The following COL9A1 variants were observed in gnomAD, a reference collection of about 807,000 sequenced individuals.
The protein encoded by COL9A1 is collagen type IX alpha 1 chain, also known as collagen alpha-1(IX) chain.
In COL9A1, 104 loss-of-function variants were observed where a neutral mutation model predicts 142.6. That is an observed-to-expected ratio of 0.73 (90% CI 0.62 to 0.86). The LOEUF is 0.86. COL9A1 is among the 40% of genes least tolerant of loss of function. The pLI is 0.00. For synonymous variants in COL9A1, 466 were observed against 396.0 expected, an observed-to-expected ratio of 1.18 and a Z score of -2.10; for missense variants, 1,210 against 1,176.6, an observed-to-expected ratio of 1.03 and a Z score of -0.42.
At position 70,239,255 on chromosome 6, in the gene COL9A1, G is replaced by A. The variant is rs999864737; in HGVS notation, c.2111C>T (p.Ser704Phe). 1 of 1,551,572 alleles carries A rather than the reference G, an allele frequency of 6.4e-7. No individual in the cohort carries two copies. The highest frequency in any genetic ancestry group is 1.4e-5 in the African/African-American group (1 of 73,492). Residue 704 changes from serine (S) to phenylalanine (F), a missense_variant and splice_region_variant, in exon 33 of 38, where the codon TCT becomes TTT. Physicochemically the swap from Ser to Phe is radical, Grantham distance 155. Transcript: ENST00000357250. ...GDIGLPGPKG[S>F]AGNPGEPGLR... Reference sequence around the variant, plus strand: ...ACCATTACTATTCACCATACTTACAGATCCCTTTGGGCCAGGTAATCCTAT... The same window carrying A: ...ACCATTACTATTCACCATACTTACAAATCCCTTTGGGCCAGGTAATCCTAT...
At chr6:70,234,980 T>C in intron 33 of COL9A1, 40 bp from the exon 34 acceptor site, 5 of 1,613,716 alleles carry the variant, frequency 3.1e-6, no homozygotes, top group Non-Finnish European at 4.2e-6. Context: ...GGGCTAAGCA[T>C]AAAGAATGTG....
At chr6:70,224,415 G>A (rs536716049) in intron 37 of COL9A1, among the ~76,000 whole-genome samples, 57 of 152,216 alleles carry the variant, frequency 3.7e-4, no homozygotes, top group African/African-American at 1.3e-3. Flanking sequence ...TTAAATTGTG[G>A]CTTACCAACA....
chr6:70,220,008 G>T (rs888309705), intron 37 of COL9A1, among the ~76,000 whole-genome samples: 1 of 151,894 alleles, frequency 6.6e-6, no homozygotes, highest in African/African-American at 2.4e-5. Flanking sequence ...ATTCCAAATT[G>T]CTGCTTATCC....
At chr6:70,248,844 A>G (rs1770754926) in intron 28 of COL9A1, among the ~76,000 whole-genome samples, 1 of 152,232 alleles carries the variant, frequency 6.6e-6, no homozygotes, top group African/African-American at 2.4e-5. Context: ...TTACCACGGC[A>G]TGGGGTACAA....
intron 28 of COL9A1, among the ~76,000 whole-genome samples, chr6:70,243,264 T>G (rs1406036164): frequency 6.6e-6 from 1 of 152,254 alleles, no homozygotes; most frequent in African/African-American, 2.4e-5. Flanking sequence ...TAAAAATTTT[T>G]TTCTTCTACT....
At chr6:70,269,986 A>G (rs1156789234) in intron 15 of COL9A1, among the ~76,000 whole-genome samples, 2 of 152,212 alleles carry the variant, frequency 1.3e-5, no homozygotes, top group Non-Finnish European at 2.9e-5. Context: ...AATTTTTCTT[A>G]CTATGAAAAC....
Position 70,268,797 on chromosome 6 carries a change from C to A in COL9A1, c.1287+7G>T, listed in dbSNP as rs750833333. The A allele has an allele frequency of 3.8e-5, 62 of 1,612,732 alleles. No individual in the cohort carries two copies. Among genetic ancestry groups the A allele is most frequent in the Non-Finnish European group, 5.0e-5 (59 of 1,179,020 alleles). ...TACTCTTAAAATACTGGAAGTTATT[C>A]TCTTACCCTCATGCCTGGTAGGCCT... On this transcript the variant is annotated splice_region_variant and intron_variant, in intron 17 of 37. Coordinates refer to ENST00000357250, the MANE Select transcript of COL9A1 (RefSeq NM_001851.6).
rs372343342 is a variant in COL9A1 at position 70,266,741 on chromosome 6, A to G, written c.1317T>C (p.Gly439=). The part of the protein sequence containing the change: ...RGHKGAKGEI[G]EPGRQGHKGE... Reference sequence around the variant, plus strand: ...CCTTGTGTCCTTGTCTTCCTGGTTCACCAATTTCTCCTTTAGCCCCTTTAT... The same window carrying G: ...CCTTGTGTCCTTGTCTTCCTGGTTCGCCAATTTCTCCTTTAGCCCCTTTAT... The change falls in exon 18 of 38, where the codon GGT becomes GGC. Residue 439 remains glycine (G), a synonymous_variant. Transcript: ENST00000357250. 18 of 1,613,372 alleles carry G rather than the reference A, an allele frequency of 1.1e-5. No homozygotes were observed. The highest frequency in any genetic ancestry group is 1.1e-4 in the East Asian group (5 of 44,816).
intron 37 of COL9A1, among the ~76,000 whole-genome samples, chr6:70,223,670 G>C (rs1312561810): frequency 6.6e-6 from 1 of 152,220 alleles, no homozygotes. Context: ...CACTACACGA[G>C]GACACCGCGC....
At chr6:70,295,283 T>TC (rs1773811129) in intron 4 of COL9A1, among the ~76,000 whole-genome samples, 1 of 134,578 alleles carries the variant, frequency 7.4e-6, no homozygotes, top group Non-Finnish European at 1.6e-5. Flanking sequence ...TGTTGCTTCT[T>TC]TTTTTTTTTT....
chr6:70,251,414 A>G (rs75631724), intron 28 of COL9A1, among the ~76,000 whole-genome samples: 6,874 of 152,096 alleles, frequency 0.045, 317 homozygotes, highest in East Asian at 0.14. Flanking sequence ...AGGTGTGGTG[A>G]TGCACCCCTT....
rs191170274 is a variant in COL9A1 at position 70,237,182 on chromosome 6, A to T, written c.2112+2072T>A. Among the ~76,000 whole-genome samples the T allele has an allele frequency of 4.6e-5, 7 of 152,326 alleles. No homozygotes were observed. The East Asian group carries it at 1.3e-3, about 29-fold the overall frequency. On this transcript the variant is annotated intron_variant, in intron 33 of 37. Transcript: ENST00000357250. Reference sequence around the variant, plus strand: ...AATGAACTCAGAAATATACTGAAGAACTGACAGAAAACAAAGGAGACCACG... The same window carrying T: ...AATGAACTCAGAAATATACTGAAGATCTGACAGAAAACAAAGGAGACCACG...
At chr6:70,291,144 A>G (rs1485710904) in intron 5 of COL9A1, among the ~76,000 whole-genome samples, 1 of 152,120 alleles carries the variant, frequency 6.6e-6, no homozygotes, top group East Asian at 1.9e-4. Context: ...AAAACAAGGG[A>G]CTAAGGACAA....
At chr6:70,234,415 TA>T (rs1183466839) in intron 35 of COL9A1, 123 bp downstream of exon 35, 2 of 957,822 alleles carry the variant, frequency 2.1e-6, no homozygotes. Flanking sequence ...AATATTACCC[TA>T]AATGTCCTAT....
intron 5 of COL9A1, among the ~76,000 whole-genome samples, chr6:70,291,747 A>G (rs1449872151): frequency 6.6e-6 from 1 of 152,192 alleles, no homozygotes; most frequent in East Asian, 1.9e-4. Context: ...TCGAAGTAAG[A>G]ATAATGAGAT....
At chr6:70,230,277 T>C (rs1010750666) in intron 36 of COL9A1, among the ~76,000 whole-genome samples, 3 of 152,172 alleles carry the variant, frequency 2.0e-5, no homozygotes, top group East Asian at 3.8e-4. Flanking sequence ...CCTAAAATCA[T>C]ACATTTCCAA....
intron 37 of COL9A1, among the ~76,000 whole-genome samples, chr6:70,224,395 AT>A (rs926652102): frequency 4.3e-4 from 66 of 152,174 alleles, no homozygotes; most frequent in African/African-American, 1.5e-3. Context: ...CAATCTTCTC[AT>A]CTTTACATTT....
Position 70,270,833 on chromosome 6 carries a change from A to G in COL9A1, c.1144-466T>C, listed in dbSNP as rs544188959. On this transcript the variant is annotated intron_variant, in intron 14 of 37. Transcript: ENST00000357250. ...CTCTTGCAAGTGCTGTTCACCCACA[A>G]TCTATCACTTGGTCTGTCACTGCAC... Among the ~76,000 whole-genome samples the G allele has an allele frequency of 1.1e-3, 168 of 152,326 alleles. 1 individual carries two copies. The highest frequency in any genetic ancestry group is 3.9e-3 in the African/African-American group (164 of 41,582).
intron 37 of COL9A1, among the ~76,000 whole-genome samples, chr6:70,221,633 T>C (rs1409758252): frequency 6.6e-6 from 1 of 152,200 alleles, no homozygotes; most frequent in Non-Finnish European, 1.5e-5. Flanking sequence ...AACTTCCATG[T>C]CCAAGAGGCA....
Sources: allele counts gnomAD v4.1 joint callset (sites outside exome capture counted in the v4.1 genomes callset), GRCh38; gene constraint gnomAD v4.1.1; transcripts MANE v1.5; gene names NCBI Gene and HGNC (gene_info 2026-07-23, HGNC 2026-07-21).